The following ZBTB20 variants were observed in gnomAD, a reference collection of about 807,000 sequenced individuals.
ZBTB20 encodes the protein zinc finger and BTB domain-containing protein 20.
In ZBTB20, 9 loss-of-function variants were observed where a neutral mutation model predicts 56.9. That is an observed-to-expected ratio of 0.16 (90% CI 0.10 to 0.28). The LOEUF (loss-of-function observed/expected upper bound fraction) is 0.28, where lower values mean the gene tolerates loss of function less well. Ranked by LOEUF, ZBTB20 falls within the 10% of genes least tolerant of loss-of-function variation. The pLI is 1.00. For synonymous variants in ZBTB20, 417 were observed against 420.7 expected, an observed-to-expected ratio of 0.99 and a Z score of 0.11; for missense variants, 655 against 1,003.0, an observed-to-expected ratio of 0.65 and a Z score of 4.69.
chr3:114,529,550 A>C (rs2047603876), intron 6 of ZBTB20: 1 of 152,224 alleles, frequency 6.6e-6, no homozygotes, highest in South Asian at 2.1e-4. Flanking sequence ...AGGATAGTAC[A>C]TTTGTTTCAC....
intron 6 of ZBTB20, among the ~76,000 whole-genome samples, chr3:114,645,595 G>T (rs1015703924): frequency 6.6e-6 from 1 of 152,092 alleles, no homozygotes; most frequent in African/African-American, 2.4e-5. Flanking sequence ...GAGGGTCAAA[G>T]TTATTTTATT....
At chr3:114,776,148 C>A (rs1578815756) in intron 5 of ZBTB20, among the ~76,000 whole-genome samples, 2 of 147,066 alleles carry the variant, frequency 1.4e-5, no homozygotes, top group Non-Finnish European at 3.0e-5. Flanking sequence ...GAAGGGAGAA[C>A]AAGGGAAGAA....
At chr3:114,878,814 C>T (rs147741657) in intron 4 of ZBTB20, among the ~76,000 whole-genome samples, 1 of 152,166 alleles carries the variant, frequency 6.6e-6, no homozygotes, top group African/African-American at 2.4e-5. Flanking sequence ...GCGGTCACAA[C>T]CAACTGAAAA....
chr3:114,859,950 A>G (rs539083383), intron 4 of ZBTB20, among the ~76,000 whole-genome samples: 8 of 152,284 alleles, frequency 5.3e-5, no homozygotes, highest in Non-Finnish European at 1.0e-4. Context: ...CAGGTTCCAA[A>G]AACAGTACTG....
At chr3:114,784,682 G>A (rs1480390639) in intron 5 of ZBTB20, among the ~76,000 whole-genome samples, 1 of 152,152 alleles carries the variant, frequency 6.6e-6, no homozygotes, top group Non-Finnish European at 1.5e-5. Context: ...AACTTGTAAA[G>A]TTATTGAAAA....
intron 6 of ZBTB20, among the ~76,000 whole-genome samples, chr3:114,528,252 A>G (rs1466558423): frequency 2.0e-5 from 3 of 152,264 alleles, no homozygotes; most frequent in East Asian, 1.9e-4. Context: ...ATAAAAATAA[A>G]AGCAACAAAA....
intron 6 of ZBTB20, among the ~76,000 whole-genome samples, chr3:114,512,404 T>G (rs1450060881): frequency 1.3e-5 from 2 of 152,164 alleles, no homozygotes; most frequent in African/African-American, 2.4e-5. Context: ...ATTCTACTTC[T>G]GCCCTCAAGG....
rs2078916360 is a variant in ZBTB20 at position 114,322,154 on chromosome 3, T to C, written c.*16851A>G. 6.6e-6 allele frequency: 1 copy of C among 152,278 alleles called. No homozygotes were observed. The highest frequency in any genetic ancestry group is 1.5e-5 in the Non-Finnish European group (1 of 68,074). The allele number at this position is 152,278 out of a possible 1,614,324, so 9.4% of individuals were successfully genotyped here. ...TCTGCACTGTGTACATGCTGCCCTA[T>C]GTTTCACCAGTGACCTTTGTTTGGT... On this transcript the variant is annotated 3_prime_UTR_variant, in exon 12 of 12. Coordinates refer to ENST00000675478, the MANE Select transcript of ZBTB20 (RefSeq NM_001348800.3).
intron 4 of ZBTB20, among the ~76,000 whole-genome samples, chr3:114,883,703 G>A (rs1386729272): frequency 6.6e-6 from 1 of 151,760 alleles, no homozygotes. Flanking sequence ...CTATCATTTG[G>A]TTATATATTT....
chr3:114,732,890 A>C (rs1452239215), intron 5 of ZBTB20, among the ~76,000 whole-genome samples: 1 of 152,192 alleles, frequency 6.6e-6, no homozygotes, highest in Non-Finnish European at 1.5e-5. Context: ...GAAGGGCTAG[A>C]GATCACACAC....
intron 2 of ZBTB20, among the ~76,000 whole-genome samples, chr3:114,980,801 G>A (rs187365834): frequency 1.4e-4 from 22 of 151,930 alleles, no homozygotes; most frequent in Admixed American, 8.5e-4. Flanking sequence ...TTTCACCAGC[G>A]TAGCTAATCA....
intron 6 of ZBTB20, among the ~76,000 whole-genome samples, chr3:114,628,223 T>C (rs2058749704): frequency 1.3e-5 from 2 of 152,202 alleles, no homozygotes; most frequent in African/African-American, 4.8e-5. Context: ...AGTTGGTATT[T>C]TGTATTTGTA....
chr3:114,545,715 C>T (rs572432045), intron 6 of ZBTB20, among the ~76,000 whole-genome samples: 1 of 152,280 alleles, frequency 6.6e-6, no homozygotes, highest in Admixed American at 6.5e-5. Context: ...GTACATATTA[C>T]AAGCTTCTAG....
In ZBTB20 at chr3:114,339,171, C is replaced by A; in HGVS notation, c.2060G>T (p.Ser687Ile). 1 of 1,614,178 alleles carries A rather than the reference C, an allele frequency of 6.2e-7. No homozygotes were observed. Among genetic ancestry groups the A allele is most frequent in the Non-Finnish European group, 8.5e-7 (1 of 1,179,992 alleles). Residue 687 changes from serine (S) to isoleucine (I), a missense_variant, in exon 12 of 12, where the codon AGC becomes ATC. Around this residue, in one of 10 missense-constraint regions of ZBTB20, gnomAD observed 89 missense variants for 79.7 expected, o/e 1.12. Coordinates refer to ENST00000675478, the MANE Select transcript of ZBTB20 (RefSeq NM_001348800.3). This position sits in a 1 kb window ranked among gnomAD's most constrained non-coding sequence, Gnocchi z 4.2. ...LERHVALHSA[S>I]NGTPPAGTPP... ...TGTGCCTGCAGGGGGGGTCCCATTG[C>A]TGGCACTGTGCAGGGCCACGTGTCG...
chr3:114,316,027 T>C lies in ZBTB20; in HGVS notation c.*22978A>G. The C allele has an allele frequency of 5.6e-6, 1 of 178,070 alleles. No homozygotes were observed. Among genetic ancestry groups the C allele is most frequent in the Non-Finnish European group, 1.2e-5 (1 of 86,410 alleles). 11.0% of individuals were successfully genotyped at this position (178,070 alleles called of 1,614,324 possible). On this transcript the variant is annotated 3_prime_UTR_variant, in exon 12 of 12. Coordinates refer to ENST00000675478, the MANE Select transcript of ZBTB20 (RefSeq NM_001348800.3). The stretch of plus-strand genomic sequence containing the variant: ...AGAGTACTGATTTTCACATGGTAGT[T>C]CTGAGTCAGGCCAAAGGTTTTGAGG...
intron 5 of ZBTB20, among the ~76,000 whole-genome samples, chr3:114,727,819 C>T (rs185418130): frequency 6.6e-6 from 1 of 152,074 alleles, no homozygotes; most frequent in East Asian, 1.9e-4. Context: ...AAATAAGAAG[C>T]TATATAATTA....
chr3:114,380,294 A>G lies in ZBTB20; in HGVS notation c.122T>C (p.Val41Ala). 1 of 1,537,098 alleles carries G rather than the reference A, an allele frequency of 6.5e-7. No homozygotes were observed. The highest frequency in any genetic ancestry group is 8.7e-7 in the Non-Finnish European group (1 of 1,146,856). Residue 41 changes from valine (V) to alanine (A), a missense_variant, in exon 10 of 12, where the codon GTT (valine) becomes GCT (alanine). Val to Ala is a moderately conservative substitution (Grantham distance 64). This residue lies in a region of ZBTB20 where 79 missense variants were observed against 78.4 expected (regional missense o/e 1.01). Coordinates refer to ENST00000675478, the MANE Select transcript of ZBTB20 (RefSeq NM_001348800.3). ...GATGAGGGCTGGGTCTGGAGACAAA[A>G]CAGCTTCAAAGTTCAGGCAGGGAAG... ...PGLPCLNFEA[V>A]LSPDPALIHS...
chr3:115,022,663 CT>C (rs1437466593), intron 2 of ZBTB20, among the ~76,000 whole-genome samples: 1 of 150,960 alleles, frequency 6.6e-6, no homozygotes, highest in Non-Finnish European at 1.5e-5. Context: ...CCTCTACTCC[CT>C]TCAAACTAAT....
chr3:115,011,535 C>A (rs941506458), intron 2 of ZBTB20, among the ~76,000 whole-genome samples: 1 of 151,704 alleles, frequency 6.6e-6, no homozygotes, highest in African/African-American at 2.4e-5. Context: ...AAATCTTTTA[C>A]CCTAGAATAG....
Sources: allele counts gnomAD v4.1 joint callset (sites outside exome capture counted in the v4.1 genomes callset), GRCh38; gene constraint gnomAD v4.1.1; regional missense constraint gnomAD v4.1.1; non-coding constraint Gnocchi (gnomAD v3.1); transcripts MANE v1.5; gene names NCBI Gene and HGNC (gene_info 2026-07-23, HGNC 2026-07-21).